ZNF532: variants seen among roughly 807,000 people sequenced by gnomAD.
ZNF532 encodes zinc finger protein 532.
A neutral mutation model predicts 89.3 loss-of-function variants in ZNF532; 22 were observed. The observed-to-expected ratio is 0.25, with a 90% CI of 0.18 to 0.35. The LOEUF is 0.35. Ranked by LOEUF, ZNF532 falls within the 10% of genes least tolerant of loss-of-function variation. The probability of loss-of-function intolerance (pLI) is 1.00; values close to 1 mark genes in which losing one functional copy is unlikely to be tolerated. For synonymous variants in ZNF532, 606 were observed against 649.6 expected (o/e 0.93, Z 1.02); for missense variants, 1,132 against 1,643.4 (o/e 0.69, Z 5.38).
chr18:58,976,318 A>T (rs947560089), intron 7 of ZNF532, among the ~76,000 whole-genome samples: 1 of 152,118 alleles, frequency 6.6e-6, no homozygotes, highest in African/African-American at 2.4e-5. Context: ...GCTGCTCTTC[A>T]TTTTTTAGGG....
chr18:58,962,170 G>A (rs1226374861), intron 7 of ZNF532, among the ~76,000 whole-genome samples: 1 of 151,862 alleles, frequency 6.6e-6, no homozygotes, highest in Non-Finnish European at 1.5e-5. Context: ...AGGTTGCGGT[G>A]AGCCGAGATT....
At chr18:58,892,775 C>A (rs898007146) in intron 2 of ZNF532, among the ~76,000 whole-genome samples, 1 of 152,136 alleles carries the variant, frequency 6.6e-6, no homozygotes, top group African/African-American at 2.4e-5. Flanking sequence ...CAAGTGGGGG[C>A]GTGGCAGAGA....
intron 2 of ZNF532, among the ~76,000 whole-genome samples, chr18:58,911,711 T>A (rs899905199): frequency 1.6e-4 from 25 of 152,276 alleles, no homozygotes; most frequent in African/African-American, 6.0e-4. Context: ...AAGCAGCCCT[T>A]GTCTCTTGGC....
At chr18:58,916,205 C>A (rs2060589144) in intron 2 of ZNF532, among the ~76,000 whole-genome samples, 1 of 152,162 alleles carries the variant, frequency 6.6e-6, no homozygotes, top group African/African-American at 2.4e-5. Context: ...TTTACAACAC[C>A]AGGATGATGA....
chr18:58,892,436 A>G (rs761653974), intron 2 of ZNF532, among the ~76,000 whole-genome samples: 12 of 152,204 alleles, frequency 7.9e-5, no homozygotes, highest in Non-Finnish European at 1.5e-4. Context: ...AAATGCCTAT[A>G]TATGTGTATG....
Position 58,880,198 on chromosome 18 carries a change from T to G in ZNF532, c.-18+14619T>G, listed in dbSNP as rs368744155. Among the ~76,000 whole-genome samples, 16 of 152,266 alleles carry G rather than the reference T, an allele frequency of 1.1e-4. No homozygotes were observed. The South Asian group carries it at 3.3e-3, about 32-fold the overall frequency. On this transcript the variant is annotated intron_variant, in intron 2 of 9. Transcript: ENST00000591808. The stretch of plus-strand genomic sequence containing the variant: ...GCTGTCTGGCTCGATAGACACTTGT[T>G]TGTTAAGAAATGATGAAAAGCAAGA...
chr18:58,958,148 T>A (rs2064989885), intron 7 of ZNF532, among the ~76,000 whole-genome samples: 2 of 152,200 alleles, frequency 1.3e-5, no homozygotes, highest in South Asian at 4.1e-4. Context: ...GATGCTCTTT[T>A]TAAAAAATGA....
chr18:58,873,585 A>C (rs2057175058), intron 2 of ZNF532, among the ~76,000 whole-genome samples: 1 of 152,118 alleles, frequency 6.6e-6, no homozygotes, highest in African/African-American at 2.4e-5. Context: ...AATAGCTGGT[A>C]TTAAAGGCGC....
chr18:58,872,558 T>C (rs192848090), intron 2 of ZNF532, among the ~76,000 whole-genome samples: 32 of 152,330 alleles, frequency 2.1e-4, no homozygotes, highest in African/African-American at 7.2e-4. Context: ...TTTGTAGTTA[T>C]CTCATTTTCT....
chr18:58,941,786 C>CT (rs1041490946), intron 5 of ZNF532, among the ~76,000 whole-genome samples: 13 of 151,744 alleles, frequency 8.6e-5, no homozygotes, highest in Non-Finnish European at 1.6e-4. Context: ...CTTTTTTCTT[C>CT]TTTTTTTCTT....
intron 2 of ZNF532, among the ~76,000 whole-genome samples, chr18:58,886,768 TATGCCCTGAGA>T (rs2058330349): frequency 6.6e-6 from 1 of 152,250 alleles, no homozygotes; most frequent in Non-Finnish European, 1.5e-5. Flanking sequence ...ACATTGCCTC[TATGCCCTGAGA>T]TCAATGACAT....
chr18:58,897,262 A>G (rs1052739539), intron 2 of ZNF532, among the ~76,000 whole-genome samples: 5 of 152,220 alleles, frequency 3.3e-5, no homozygotes, highest in Non-Finnish European at 2.9e-5. Flanking sequence ...TGGAATATAA[A>G]GTAGTTGAAT....
chr18:58,922,049 G>A (rs2061135106), intron 3 of ZNF532, among the ~76,000 whole-genome samples: 1 of 152,044 alleles, frequency 6.6e-6, no homozygotes. Flanking sequence ...GGAGGTTGCA[G>A]TGAGCTGAGA....
At chr18:58,928,351 C>G (rs1368002084) in intron 3 of ZNF532, among the ~76,000 whole-genome samples, 1 of 152,174 alleles carries the variant, frequency 6.6e-6, no homozygotes, top group Non-Finnish European at 1.5e-5. Context: ...GTTCTGTAGA[C>G]AATCTATGCA....
At chr18:58,903,749 G>C (rs1173251948) in intron 2 of ZNF532, among the ~76,000 whole-genome samples, 1 of 152,104 alleles carries the variant, frequency 6.6e-6, no homozygotes, top group African/African-American at 2.4e-5. Context: ...GTACATACCC[G>C]CAAGGCACTT....
intron 2 of ZNF532, among the ~76,000 whole-genome samples, chr18:58,898,039 A>G (rs2059362120): frequency 6.6e-6 from 1 of 152,242 alleles, no homozygotes; most frequent in Non-Finnish European, 1.5e-5. Flanking sequence ...TTGTCAAAGT[A>G]ATACATGTAC....
intron 2 of ZNF532, among the ~76,000 whole-genome samples, chr18:58,915,304 GA>G (rs1218225402): frequency 6.6e-6 from 1 of 152,178 alleles, no homozygotes; most frequent in Admixed American, 6.5e-5. Context: ...TCCTGCAGGT[GA>G]ACTAGGATGA....
chr18:58,939,825 C>G, intron 5 of ZNF532: 1 of 419,904 alleles, frequency 2.4e-6, no homozygotes, highest in Non-Finnish European at 4.2e-6. Context: ...AAAAACGTTA[C>G]CTATTATTTA....
At chr18:58,935,176 A>ACTCCTCCTCCTCCCCT (rs2146484648) in intron 4 of ZNF532, among the ~76,000 whole-genome samples, 1 of 1,882 alleles carries the variant, frequency 5.3e-4, no homozygotes, top group East Asian at 0.17. Context: ...CCTCCTCCCC[A>ACTCCTCCTCCTCCCCT]CTCCTCCTCC....
Sources: gnomAD v4.1 joint callset for allele counts (sites outside exome capture counted in the v4.1 genomes callset) on GRCh38, gnomAD v4.1.1 for gene constraint, MANE v1.5 for transcripts, NCBI Gene and HGNC (gene_info 2026-07-23, HGNC 2026-07-21) for gene names.